SLC14A2: variants seen among roughly 807,000 people sequenced by gnomAD.
SLC14A2 encodes solute carrier family 14 member 2.
A neutral mutation model predicts 104.6 loss-of-function variants in SLC14A2; 91 were observed. The ratio of observed to expected loss-of-function variants is 0.87; its 90% CI spans 0.73 to 1.04. The LOEUF is 1.04. Ranked by LOEUF, SLC14A2 falls within the 50% of genes least tolerant of loss-of-function variation. The pLI is 0.00. For synonymous variants in SLC14A2, 476 were observed against 466.4 expected, an observed-to-expected ratio of 1.02 and a Z score of -0.27; for missense variants, 1,189 against 1,156.0, an observed-to-expected ratio of 1.03 and a Z score of -0.41.
chr18:45,619,131 A>G (rs1353396760), intron 1 of SLC14A2, among the ~76,000 whole-genome samples: 1 of 152,230 alleles, frequency 6.6e-6, no homozygotes, highest in Admixed American at 6.5e-5. Flanking sequence ...AGCAGAGTCC[A>G]TGCTGGGACT....
intron 2 of SLC14A2, among the ~76,000 whole-genome samples, chr18:45,606,616 A>ACAT (rs10646948): frequency 0.73 from 109,921 of 151,454 alleles, 40,079 homozygotes; most frequent in East Asian, 0.85. Flanking sequence ...TGGCAAGAAA[A>ACAT]CATATGCCCA....
At chr18:45,589,998 C>T (rs1373876505) in intron 2 of SLC14A2, among the ~76,000 whole-genome samples, 3 of 152,194 alleles carry the variant, frequency 2.0e-5, no homozygotes, top group Non-Finnish European at 2.9e-5. Context: ...AGGTGGTCGC[C>T]ATCATTCCTC....
intron 2 of SLC14A2, among the ~76,000 whole-genome samples, chr18:45,512,090 T>C (rs773440084): frequency 2.0e-5 from 3 of 152,122 alleles, no homozygotes; most frequent in Non-Finnish European, 4.4e-5. Context: ...CAAATTGGAA[T>C]AAAGATGCTA....
chr18:45,629,419 C>T (rs4890292), intron 4 of SLC14A2, among the ~76,000 whole-genome samples: 14,168 of 152,220 alleles, frequency 0.093, 891 homozygotes, highest in East Asian at 0.34. Flanking sequence ...TCCTTGTTCC[C>T]ATGTACCTAT....
intron 1 of SLC14A2, among the ~76,000 whole-genome samples, chr18:45,355,282 A>G (rs1309829963): frequency 6.6e-6 from 1 of 152,190 alleles, no homozygotes; most frequent in African/African-American, 2.4e-5. Flanking sequence ...CTATAGAGAT[A>G]TAAGAGACTT....
At chr18:45,665,405 A>G (rs1268256891) in intron 11 of SLC14A2, among the ~76,000 whole-genome samples, 1 of 152,230 alleles carries the variant, frequency 6.6e-6, no homozygotes, top group African/African-American at 2.4e-5. Flanking sequence ...TACCTGTAAT[A>G]ATAAAAATGT....
chr18:45,326,443 T>C (rs1303252779), intron 1 of SLC14A2, among the ~76,000 whole-genome samples: 2 of 152,174 alleles, frequency 1.3e-5, no homozygotes, highest in Non-Finnish European at 2.9e-5. Flanking sequence ...ATAGGAAAGC[T>C]ACTGATGAAG....
At chr18:45,275,251 T>G (rs1467411866) in intron 1 of SLC14A2, among the ~76,000 whole-genome samples, 1 of 152,208 alleles carries the variant, frequency 6.6e-6, no homozygotes, top group Non-Finnish European at 1.5e-5. Flanking sequence ...TTCAAAATTT[T>G]CTTACAGGGT....
intron 1 of SLC14A2, among the ~76,000 whole-genome samples, chr18:45,220,968 T>A (rs370722992): frequency 5.1e-4 from 77 of 152,306 alleles, no homozygotes; most frequent in African/African-American, 1.8e-3. Context: ...TGCCCAAACT[T>A]CTTCTTCTGT....
chr18:45,479,306 T>A (rs1159351128), intron 1 of SLC14A2, among the ~76,000 whole-genome samples: 1 of 152,186 alleles, frequency 6.6e-6, no homozygotes, highest in Non-Finnish European at 1.5e-5. Flanking sequence ...CAATTAATGT[T>A]TGTTAATATT....
chr18:45,276,016 C>T (rs1438742661), intron 1 of SLC14A2, among the ~76,000 whole-genome samples: 1 of 152,130 alleles, frequency 6.6e-6, no homozygotes, highest in African/African-American at 2.4e-5. Context: ...AGTCAAAAGA[C>T]GAAATGAGCC....
chr18:45,320,941 C>A (rs2085179161), intron 1 of SLC14A2, among the ~76,000 whole-genome samples: 1 of 152,172 alleles, frequency 6.6e-6, no homozygotes, highest in South Asian at 2.1e-4. Context: ...TGCTCATGGG[C>A]TTGAACCGAG....
Position 45,383,604 on chromosome 18 carries a change from C to T in SLC14A2, c.-124-99629C>T, listed in dbSNP as rs144066945. ...TTACATGTGTTAGGCTCTCCCCTCC[C>T]TTCCCTTCTCTACTTCTCCCTTGTC... On this transcript the variant is annotated intron_variant, in intron 1 of 20. Coordinates refer to the SLC14A2 transcript ENST00000586448. Among the ~76,000 whole-genome samples, 1,094 of 152,254 alleles carry T rather than the reference C, an allele frequency of 7.2e-3. 20 individuals carry two copies. The highest frequency in any genetic ancestry group is 0.024 in the African/African-American group (1,015 of 41,550).
At chr18:45,375,683 A>C (rs1208022305) in intron 1 of SLC14A2, among the ~76,000 whole-genome samples, 1 of 152,236 alleles carries the variant, frequency 6.6e-6, no homozygotes, top group African/African-American at 2.4e-5. Context: ...GCAGCCGGCA[A>C]GGTGAACCCA....
At chr18:45,432,775 G>A (rs1397397579) in intron 1 of SLC14A2, among the ~76,000 whole-genome samples, 1 of 152,158 alleles carries the variant, frequency 6.6e-6, no homozygotes, top group Admixed American at 6.5e-5. Flanking sequence ...GTGATCCTAA[G>A]ATAGGATTTG....
chr18:45,279,960 TACTC>T (rs1207936330), intron 1 of SLC14A2, among the ~76,000 whole-genome samples: 6 of 152,182 alleles, frequency 3.9e-5, no homozygotes, highest in African/African-American at 1.4e-4. Context: ...CCCTGGTCTC[TACTC>T]ACTCGGTGCC....
At chr18:45,487,308 G>C (rs2087625391) in intron 2 of SLC14A2, among the ~76,000 whole-genome samples, 1 of 152,198 alleles carries the variant, frequency 6.6e-6, no homozygotes, top group Non-Finnish European at 1.5e-5. Flanking sequence ...AGCCAAGAAA[G>C]GTTTTCCACT....
intron 1 of SLC14A2, among the ~76,000 whole-genome samples, chr18:45,382,440 A>G (rs2085849273): frequency 1.3e-5 from 2 of 152,188 alleles, no homozygotes; most frequent in African/African-American, 4.8e-5. Flanking sequence ...ACTTCATGCA[A>G]AATAGGCCTG....
At chr18:45,259,977 GA>G (rs2084519162) in intron 1 of SLC14A2, among the ~76,000 whole-genome samples, 1 of 152,234 alleles carries the variant, frequency 6.6e-6, no homozygotes, top group African/African-American at 2.4e-5. Context: ...TTTTTTGGTA[GA>G]GGGGGAATGG....
Sources: allele counts gnomAD v4.1 joint callset (sites outside exome capture counted in the v4.1 genomes callset), GRCh38; gene constraint gnomAD v4.1.1; transcripts MANE v1.5; gene names NCBI Gene and HGNC (gene_info 2026-07-23, HGNC 2026-07-21).